Variants in PLCE1 observed in about 807,000 individuals in gnomAD.
PLCE1 encodes the protein 1-phosphatidylinositol 4,5-bisphosphate phosphodiesterase epsilon-1.
A neutral mutation model predicts 242.8 loss-of-function variants in PLCE1; 119 were observed. The observed-to-expected ratio is 0.49, with a 90% CI of 0.42 to 0.57. The LOEUF (loss-of-function observed/expected upper bound fraction) is 0.57, where lower values mean the gene tolerates loss of function less well. PLCE1 is among the 20% of genes least tolerant of loss of function. The pLI is 0.00. For synonymous variants in PLCE1, 945 were observed against 1,017.4 expected (o/e 0.93, Z 1.35); for missense variants, 2,441 against 2,788.8 (o/e 0.88, Z 2.81).
chr10:94,187,504 T>G (rs2048520293), intron 4 of PLCE1, among the ~76,000 whole-genome samples: 1 of 152,144 alleles, frequency 6.6e-6, no homozygotes, highest in Admixed American at 6.5e-5. Flanking sequence ...ATAAAAATAC[T>G]TGGGTACTGG....
chr10:94,208,021 C>T (rs2049218181), intron 4 of PLCE1, among the ~76,000 whole-genome samples: 1 of 152,182 alleles, frequency 6.6e-6, no homozygotes, highest in African/African-American at 2.4e-5. Context: ...CATTTGGTAG[C>T]TGTCATAGAG....
chr10:94,133,814 G>T (rs1444568254), intron 3 of PLCE1, among the ~76,000 whole-genome samples: 1 of 152,132 alleles, frequency 6.6e-6, no homozygotes, highest in Non-Finnish European at 1.5e-5. Context: ...TAGGTGTTAG[G>T]TGCTGGAAAA....
chr10:94,265,339 C>T (rs1444595332), intron 14 of PLCE1, among the ~76,000 whole-genome samples: 1 of 152,200 alleles, frequency 6.6e-6, no homozygotes, highest in Non-Finnish European at 1.5e-5. Context: ...ATGGTAGCTG[C>T]TATTATTATC....
intron 14 of PLCE1, among the ~76,000 whole-genome samples, chr10:94,263,304 A>G (rs1408571973): frequency 6.6e-6 from 1 of 152,022 alleles, no homozygotes; most frequent in Non-Finnish European, 1.5e-5. Flanking sequence ...ACCTGAGATC[A>G]GGAGTTCAAG....
At chr10:94,202,266 A>G (rs1024839678) in intron 4 of PLCE1, among the ~76,000 whole-genome samples, 3 of 152,148 alleles carry the variant, frequency 2.0e-5, no homozygotes, top group African/African-American at 7.2e-5. Context: ...TCCTTTTATC[A>G]ACTTTATTTA....
chr10:94,084,321 G>T (rs1258052688), intron 2 of PLCE1, among the ~76,000 whole-genome samples: 2 of 152,186 alleles, frequency 1.3e-5, no homozygotes, highest in Admixed American at 6.5e-5. Flanking sequence ...CCTAAGGAAG[G>T]GCCTGAGGGA....
intron 2 of PLCE1, among the ~76,000 whole-genome samples, chr10:94,116,442 C>T (rs2046132023): frequency 6.6e-6 from 1 of 152,180 alleles, no homozygotes; most frequent in African/African-American, 2.4e-5. Context: ...TGCCTGTAAT[C>T]CCAACACTTT....
At chr10:94,140,488 A>G (rs2046922934) in intron 3 of PLCE1, among the ~76,000 whole-genome samples, 3 of 152,190 alleles carry the variant, frequency 2.0e-5, no homozygotes, top group Admixed American at 1.3e-4. Flanking sequence ...GGTTGCAGTG[A>G]GCCGAGAACA....
At chr10:94,056,110 C>CT (rs1334911109) in intron 2 of PLCE1, among the ~76,000 whole-genome samples, 1 of 152,080 alleles carries the variant, frequency 6.6e-6, no homozygotes, top group Non-Finnish European at 1.5e-5. Flanking sequence ...TTAGCAAACC[C>CT]TTTTCTGTGT....
intron 4 of PLCE1, among the ~76,000 whole-genome samples, chr10:94,179,521 T>TGTTTTTTGTTTTTG (rs67919831): frequency 1.1e-4 from 9 of 84,676 alleles, no homozygotes; most frequent in East Asian, 2.7e-4. Context: ...AGTTTTTTTT[T>TGTTTTTTGTTTTTG]TTTTTTTTTG....
At chr10:94,043,968 G>T (rs1313991161) in intron 2 of PLCE1, among the ~76,000 whole-genome samples, 13 of 152,308 alleles carry the variant, frequency 8.5e-5, no homozygotes, top group Non-Finnish European at 2.9e-5. Flanking sequence ...GGTCTTGGTA[G>T]CTATTGATCA....
chr10:94,307,837 G>A (rs997446158), intron 26 of PLCE1, among the ~76,000 whole-genome samples: 1 of 152,016 alleles, frequency 6.6e-6, no homozygotes, highest in Non-Finnish European at 1.5e-5. Flanking sequence ...CACAAGAATG[G>A]GGAGTATAGG....
At chr10:94,238,043 T>G (rs1464067049) in intron 7 of PLCE1, among the ~76,000 whole-genome samples, 1 of 152,184 alleles carries the variant, frequency 6.6e-6, no homozygotes, top group Non-Finnish European at 1.5e-5. Flanking sequence ...GCTCTTATAA[T>G]TCTTCCCAAA....
At chr10:94,128,489 T>G (rs1033154780) in intron 2 of PLCE1, among the ~76,000 whole-genome samples, 1 of 152,202 alleles carries the variant, frequency 6.6e-6, no homozygotes, top group East Asian at 1.9e-4. Flanking sequence ...GTGATGGAAG[T>G]TCAGAGCTTC....
At chr10:94,024,455 G>A (rs2134411268) in intron 1 of PLCE1, among the ~76,000 whole-genome samples, 1 of 152,146 alleles carries the variant, frequency 6.6e-6, no homozygotes, top group East Asian at 1.9e-4. Context: ...TTCCTACTTT[G>A]TCTTTTGTTA....
chr10:94,208,252 T>A (rs1237412723), intron 4 of PLCE1, among the ~76,000 whole-genome samples: 2 of 152,246 alleles, frequency 1.3e-5, no homozygotes, highest in Non-Finnish European at 2.9e-5. Flanking sequence ...CTGTACCCTC[T>A]GCGGTGATGC....
At position 94,192,089 on chromosome 10, in the gene PLCE1, C is replaced by T. The variant is rs572221779; in HGVS notation, c.1809+20593C>T. Among the ~76,000 whole-genome samples, 8 of 152,238 alleles carry T rather than the reference C, an allele frequency of 5.3e-5. No individual in the cohort carries two copies. The East Asian group carries it at 1.4e-3, about 26-fold the overall frequency. The stretch of plus-strand genomic sequence containing the variant: ...AAAGTGATGTTATGATAGATGTGAA[C>T]GATGAGGAATGATTAAATCAAGCTA... On this transcript the variant is annotated intron_variant, in intron 4 of 32. Coordinates refer to ENST00000371380, the MANE Select transcript of PLCE1 (RefSeq NM_016341.4).
At chr10:94,245,036 C>G (rs1347110702) in intron 7 of PLCE1, among the ~76,000 whole-genome samples, 2 of 152,034 alleles carry the variant, frequency 1.3e-5, no homozygotes, top group East Asian at 1.9e-4. Context: ...CTATTAAGTC[C>G]TTTTTTAACC....
chr10:94,202,623 G>A (rs995041894), intron 4 of PLCE1, among the ~76,000 whole-genome samples: 3 of 152,150 alleles, frequency 2.0e-5, no homozygotes, highest in African/African-American at 4.8e-5. Flanking sequence ...GCGTTATCAC[G>A]TTGTTTGCTC....
Sources: allele counts gnomAD v4.1 joint callset (sites outside exome capture counted in the v4.1 genomes callset), GRCh38; gene constraint gnomAD v4.1.1; transcripts MANE v1.5; gene names NCBI Gene and HGNC (gene_info 2026-07-23, HGNC 2026-07-21).